RPS6KA5: variants seen among roughly 807,000 people sequenced by gnomAD.
The protein encoded by RPS6KA5 is ribosomal protein S6 kinase alpha-5.
Under a neutral mutation model 85.5 loss-of-function variants are expected in RPS6KA5, and 27 were observed. That is an observed-to-expected ratio of 0.32 (90% CI 0.23 to 0.44). The LOEUF (loss-of-function observed/expected upper bound fraction) is 0.44. Among genes scored for constraint, RPS6KA5 ranks in the 20% least tolerant of loss-of-function variants. The pLI is 1.00. For synonymous variants in RPS6KA5, 334 were observed against 348.2 expected (o/e 0.96, Z 0.46); for missense variants, 811 against 980.9 (o/e 0.83, Z 2.31).
intron 3 of RPS6KA5, among the ~76,000 whole-genome samples, chr14:90,960,506 T>C (rs1009855466): frequency 4.6e-5 from 7 of 152,148 alleles, no homozygotes; most frequent in Admixed American, 6.5e-5. Flanking sequence ...GGAGGAGTCT[T>C]CTCAGCTTTA....
In RPS6KA5 at chr14:90,884,533, T is replaced by C. The variant is rs139055263; in HGVS notation, c.1836+5954A>G. Among the ~76,000 whole-genome samples, 404 of 152,318 alleles carry C rather than the reference T, an allele frequency of 2.7e-3. 1 individual carries two copies. Among genetic ancestry groups the C allele is most frequent in the African/African-American group, 9.3e-3 (387 of 41,574 alleles). Reference sequence around the variant, plus strand: ...ACCTATACTGTGCTAAGAGCTAAAATTGACCAAAATTAACTGCACTTTACT... The same window carrying C: ...ACCTATACTGTGCTAAGAGCTAAAACTGACCAAAATTAACTGCACTTTACT... On this transcript the variant is annotated intron_variant, in intron 14 of 16. Coordinates refer to ENST00000614987, the MANE Select transcript of RPS6KA5 (RefSeq NM_004755.4).
At chr14:90,955,349 C>A (rs2038444045) in intron 3 of RPS6KA5, among the ~76,000 whole-genome samples, 1 of 152,148 alleles carries the variant, frequency 6.6e-6, no homozygotes, top group Non-Finnish European at 1.5e-5. Context: ...CTTACTGCAG[C>A]TTCTAACTTC....
chr14:90,900,879 T>TA (rs558481709), intron 9 of RPS6KA5, 143 bp from the exon 10 acceptor site: 15 of 678,742 alleles, frequency 2.2e-5, no homozygotes, highest in Non-Finnish European at 3.3e-5. Context: ...ATTTGCAATC[T>TA]AAAATGCAAG....
At chr14:90,908,298 G>A (rs1438244923) in intron 7 of RPS6KA5, among the ~76,000 whole-genome samples, 10 of 152,204 alleles carry the variant, frequency 6.6e-5, no homozygotes, top group Admixed American at 6.5e-4. Flanking sequence ...GGACCACACT[G>A]GGAGAAATTG....
intron 5 of RPS6KA5, among the ~76,000 whole-genome samples, chr14:90,929,325 A>T (rs1159772892): frequency 6.6e-6 from 1 of 152,158 alleles, no homozygotes; most frequent in Non-Finnish European, 1.5e-5. Context: ...AAACAAAGCC[A>T]TTATTACTTA....
rs1315672572 is a variant in RPS6KA5, at chr14:90,861,441, G to T, written c.*10633C>A. On this transcript the variant is annotated 3_prime_UTR_variant, in exon 17 of 17. Coordinates refer to ENST00000614987, the MANE Select transcript of RPS6KA5 (RefSeq NM_004755.4). Reference sequence around the variant, plus strand: ...GGAGGCTGAGGCAGGAGAATGGCATGAACCCGGGAGGCGGAGCTTGCAGTG... The same window carrying T: ...GGAGGCTGAGGCAGGAGAATGGCATTAACCCGGGAGGCGGAGCTTGCAGTG... 1 of 148,458 alleles carries T rather than the reference G, an allele frequency of 6.7e-6. No individual in the cohort carries two copies. The highest frequency in any genetic ancestry group is 2.0e-4 in the East Asian group (1 of 4,932). 9.2% of individuals were successfully genotyped at this position (148,458 alleles called of 1,614,324 possible).
chr14:90,891,935 T>C (rs745654262), intron 13 of RPS6KA5, among the ~76,000 whole-genome samples: 1 of 151,950 alleles, frequency 6.6e-6, no homozygotes, highest in African/African-American at 2.4e-5. Context: ...GCCTGCTAAG[T>C]CTTTGGAAAT....
rs749113650 is a variant in RPS6KA5 at position 90,872,151 on chromosome 14, T to C, written c.2332A>G (p.Lys778Glu). ...SHSHGKTTPT[K>E]TLQPSNPADS... The stretch of plus-strand genomic sequence containing the variant: ...GCAGGATTGCTGGGCTGCAGTGTCT[T>C]GGTGGGTGTAGTTTTACCGTGAGAA... The change falls in exon 17 of 17, where the codon AAG becomes GAG. Residue 778 changes from lysine (K) to glutamate (E), a missense_variant. By Grantham distance (56) the Lys-to-Glu change is moderately conservative. Coordinates refer to ENST00000614987, the MANE Select transcript of RPS6KA5 (RefSeq NM_004755.4). The C allele has an allele frequency of 6.2e-7, 1 of 1,613,888 alleles. No individual in the cohort carries two copies. The highest frequency in any genetic ancestry group is 8.5e-7 in the Non-Finnish European group (1 of 1,179,962).
intron 1 of RPS6KA5, among the ~76,000 whole-genome samples, chr14:91,021,984 G>T (rs1037695268): frequency 6.6e-6 from 1 of 152,144 alleles, no homozygotes; most frequent in African/African-American, 2.4e-5. Flanking sequence ...GCTCTTTCAT[G>T]AACAGAGCTA....
chr14:90,931,586 C>A (rs574867493), intron 5 of RPS6KA5, among the ~76,000 whole-genome samples: 217 of 151,822 alleles, frequency 1.4e-3, no homozygotes, highest in African/African-American at 5.1e-3. Context: ...AGATTTAGTA[C>A]ATTGGATATT....
At chr14:90,969,105 T>C (rs906358165) in intron 3 of RPS6KA5, among the ~76,000 whole-genome samples, 1 of 152,148 alleles carries the variant, frequency 6.6e-6, no homozygotes, top group African/African-American at 2.4e-5. Flanking sequence ...AGGTAGAGAA[T>C]GGAGGAGAGA....
chr14:90,969,829 C>T (rs1414561154), intron 3 of RPS6KA5, among the ~76,000 whole-genome samples: 1 of 152,078 alleles, frequency 6.6e-6, no homozygotes, highest in Admixed American at 6.5e-5. Flanking sequence ...TCCCACATGC[C>T]CCCTATGATT....
intron 1 of RPS6KA5, among the ~76,000 whole-genome samples, chr14:91,018,566 A>T (rs1041488282): frequency 6.6e-6 from 1 of 152,178 alleles, no homozygotes; most frequent in African/African-American, 2.4e-5. Context: ...TCTGGCTTTC[A>T]TCTTTCTCCT....
At position 90,875,308 on chromosome 14, in the gene RPS6KA5, G is replaced by A. The variant is rs758035959; in HGVS notation, c.1889C>T (p.Thr630Met). ...CATGATTTCCACCGCGCTGGTACAC[G>A]TCAAACTTCGGTCATGAGATTGGAA... is the stretch of plus-strand genomic sequence containing the variant. ...VPFQSHDRSL[T>M]CTSAVEIMKK... is the part of the protein sequence containing the mutation. Residue 630 changes from threonine (T) to methionine (M), a missense_variant, in exon 15 of 17, where the codon ACG becomes ATG. Thr to Met is a moderately conservative substitution (Grantham distance 81, BLOSUM62 -1). This residue lies in a region of RPS6KA5 where 650 missense variants were observed against 793.4 expected (regional missense o/e 0.82). Transcript: ENST00000614987. 11 of 1,613,742 alleles carry A rather than the reference G, an allele frequency of 6.8e-6. No individual in the cohort carries two copies. Among genetic ancestry groups the A allele is most frequent in the African/African-American group, 5.3e-5 (4 of 74,876 alleles).
intron 8 of RPS6KA5, among the ~76,000 whole-genome samples, chr14:90,903,677 T>C (rs923196894): frequency 6.6e-6 from 1 of 152,224 alleles, no homozygotes; most frequent in African/African-American, 2.4e-5. Context: ...TGTTTCTTTG[T>C]GCTCCTTCTA....
chr14:90,907,035 T>C (rs373058009), intron 7 of RPS6KA5, among the ~76,000 whole-genome samples: 9 of 152,300 alleles, frequency 5.9e-5, no homozygotes, highest in African/African-American at 1.7e-4. Flanking sequence ...AGAAATTTAT[T>C]CTAAGGATAC....
intron 1 of RPS6KA5, among the ~76,000 whole-genome samples, chr14:91,010,926 A>G (rs764544168): frequency 2.4e-4 from 36 of 152,196 alleles, no homozygotes; most frequent in Middle Eastern, 3.2e-3. Context: ...TGTCAAGGGC[A>G]GGAAAAAAAC....
chr14:91,004,841 G>A (rs1040795766), intron 1 of RPS6KA5, among the ~76,000 whole-genome samples: 2 of 151,916 alleles, frequency 1.3e-5, no homozygotes, highest in South Asian at 2.1e-4. Context: ...GGTGGCGGGC[G>A]CCTGTAGTCC....
chr14:90,898,223 G>A (rs1435890974), intron 12 of RPS6KA5, among the ~76,000 whole-genome samples: 2 of 152,134 alleles, frequency 1.3e-5, no homozygotes, highest in African/African-American at 4.8e-5. Context: ...ACTTCTATGA[G>A]TGTCCATTTT....
Sources: allele counts gnomAD v4.1 joint callset (sites outside exome capture counted in the v4.1 genomes callset), GRCh38; gene constraint gnomAD v4.1.1; regional missense constraint gnomAD v4.1.1; transcripts MANE v1.5; gene names NCBI Gene and HGNC (gene_info 2026-07-23, HGNC 2026-07-21).